Variants in SPIN1 observed in about 807,000 individuals in gnomAD.
The protein encoded by SPIN1 is spindlin 1.
Under a neutral mutation model 26.0 loss-of-function variants are expected in SPIN1, and 3 were observed. The ratio of observed to expected loss-of-function variants is 0.12; its 90% CI spans 0.05 to 0.30. SPIN1 has a LOEUF of 0.30. Among genes scored for constraint, SPIN1 ranks in the 10% least tolerant of loss-of-function variants. The pLI is 1.00. For synonymous variants in SPIN1, 101 were observed against 116.5 expected, an observed-to-expected ratio of 0.87 and a Z score of 0.86; for missense variants, 126 against 333.4, an observed-to-expected ratio of 0.38 and a Z score of 4.84.
Position 88,420,472 on chromosome 9 carries a change from G to T in SPIN1, c.-158-5910G>T, listed in dbSNP as rs535762869. The stretch of plus-strand genomic sequence containing the variant: ...CACAGAATCCAGAGGAATGGAGCCA[G>T]CCAGTCCTCTGAAGCTGAAAAGTTT... On this transcript the variant is annotated intron_variant, in intron 1 of 5. Coordinates refer to ENST00000375859, the MANE Select transcript of SPIN1 (RefSeq NM_006717.3). Among the ~76,000 whole-genome samples, 5 of 152,366 alleles carry T rather than the reference G, an allele frequency of 3.3e-5. No homozygotes were observed. The South Asian group carries it at 1.0e-3, about 32-fold the overall frequency.
chr9:88,441,398 C>CGCGCGTGTGTGTGTGTGTGTGTGTGT (rs757363030), intron 2 of SPIN1, among the ~76,000 whole-genome samples: 7 of 137,730 alleles, frequency 5.1e-5, no homozygotes, highest in African/African-American at 2.3e-4. Context: ...TGCTGCCATT[C>CGCGCGTGTGTGTGTGTGTGTGTGTGT]GTGTGTGTGT....
intron 2 of SPIN1, among the ~76,000 whole-genome samples, chr9:88,437,735 A>T (rs78930173): frequency 0.021 from 3,164 of 152,152 alleles, 113 homozygotes; most frequent in African/African-American, 0.072. Flanking sequence ...ATTTTTCTCT[A>T]TTGATTTTGA....
chr9:88,394,437 A>G (rs1459540682), intron 1 of SPIN1, among the ~76,000 whole-genome samples: 1 of 152,222 alleles, frequency 6.6e-6, no homozygotes, highest in Non-Finnish European at 1.5e-5. Flanking sequence ...TTGGACAGCC[A>G]TGGGAAGCAT....
chr9:88,407,040 C>T (rs1021196969), intron 1 of SPIN1, among the ~76,000 whole-genome samples: 2 of 151,668 alleles, frequency 1.3e-5, no homozygotes, highest in Non-Finnish European at 2.9e-5. Flanking sequence ...TTTTCTTCTG[C>T]CCGAAGAACA....
intron 5 of SPIN1, 137 bp downstream of exon 5, chr9:88,468,742 C>T: frequency 2.0e-6 from 1 of 495,210 alleles, no homozygotes; most frequent in Non-Finnish European, 3.3e-6. Context: ...ACAAACACAG[C>T]CTTTGAAATT....
At chr9:88,456,998 A>G (rs565351761) in intron 3 of SPIN1, among the ~76,000 whole-genome samples, 102 of 152,212 alleles carry the variant, frequency 6.7e-4, no homozygotes, top group Non-Finnish European at 1.2e-3. Flanking sequence ...GAGTTTACTT[A>G]ATTCACTAAC....
At chr9:88,400,793 C>G (rs1383488763) in intron 1 of SPIN1, among the ~76,000 whole-genome samples, 4 of 149,914 alleles carry the variant, frequency 2.7e-5, no homozygotes, top group African/African-American at 9.9e-5. Context: ...TGCAGTGAGC[C>G]AAGATCATGC....
At chr9:88,435,356 A>G (rs1827980030) in intron 2 of SPIN1, among the ~76,000 whole-genome samples, 1 of 151,952 alleles carries the variant, frequency 6.6e-6, no homozygotes, top group Non-Finnish European at 1.5e-5. Flanking sequence ...CTGGGACTAC[A>G]GGCATGCACC....
At chr9:88,400,354 A>C (rs1300968427) in intron 1 of SPIN1, among the ~76,000 whole-genome samples, 2 of 152,202 alleles carry the variant, frequency 1.3e-5, no homozygotes, top group Non-Finnish European at 2.9e-5. Flanking sequence ...AAGGAACATA[A>C]AGTTGAATCA....
chr9:88,411,419 T>G lies in SPIN1; in HGVS notation c.-158-14963T>G. 1.9e-6 allele frequency: 3 copies of G among 1,586,964 alleles called. No homozygotes were observed. The South Asian group carries it at 3.3e-5, about 18-fold the overall frequency. ...AAAGCTCAACCCTCCAATGAAGAGC[T>G]TCCTCAGCTGTTCGGGCTCTTTAGG... On this transcript the variant is annotated intron_variant, in intron 1 of 5. Transcript: ENST00000375859.
chr9:88,457,755 G>A, intron 3 of SPIN1: 1 of 855,478 alleles, frequency 1.2e-6, no homozygotes. Context: ...TCTAGCGTTT[G>A]TATTCCTGAA....
chr9:88,466,081 T>G (rs1234082832), intron 4 of SPIN1, among the ~76,000 whole-genome samples: 1 of 152,250 alleles, frequency 6.6e-6, no homozygotes, highest in Admixed American at 6.5e-5. Flanking sequence ...TGTTTTTCAT[T>G]TTCTGAAGTA....
At chr9:88,438,205 A>G (rs1564032818) in intron 2 of SPIN1, among the ~76,000 whole-genome samples, 1 of 152,088 alleles carries the variant, frequency 6.6e-6, no homozygotes, top group Non-Finnish European at 1.5e-5. Flanking sequence ...ATTGCTGTAA[A>G]TTTCTCTGTA....
At chr9:88,404,702 G>GGT (rs1359267578) in intron 1 of SPIN1, among the ~76,000 whole-genome samples, 1 of 152,002 alleles carries the variant, frequency 6.6e-6, no homozygotes, top group Admixed American at 6.6e-5. Context: ...GATCACCTGA[G>GGT]GTCAGGAGTT....
intron 4 of SPIN1, among the ~76,000 whole-genome samples, 173 bp from the exon 5 acceptor site, chr9:88,468,199 C>G (rs1828709532): frequency 6.6e-6 from 1 of 152,058 alleles, no homozygotes; most frequent in Non-Finnish European, 1.5e-5. Context: ...AGCTGGGGCC[C>G]AGTAGTTTGT....
chr9:88,418,283 A>G (rs190863450), intron 1 of SPIN1, among the ~76,000 whole-genome samples: 67 of 152,344 alleles, frequency 4.4e-4, no homozygotes, highest in Middle Eastern at 3.4e-3. Flanking sequence ...TCATTAGCAT[A>G]AAAAAGACAC....
chr9:88,471,746 A>G (rs1229934637), intron 5 of SPIN1, among the ~76,000 whole-genome samples: 1 of 145,036 alleles, frequency 6.9e-6, no homozygotes, highest in Non-Finnish European at 1.5e-5. Context: ...ATTAGTTTGT[A>G]TGTCTGTTGC....
At chr9:88,410,559 G>A (rs1219886487) in intron 1 of SPIN1, 15 of 821,956 alleles carry the variant, frequency 1.8e-5, no homozygotes, top group Non-Finnish European at 3.0e-5. Context: ...CATAGCTACT[G>A]CTGCTACTGG....
intron 1 of SPIN1, among the ~76,000 whole-genome samples, chr9:88,390,822 C>T (rs1321364885): frequency 6.6e-6 from 1 of 152,172 alleles, no homozygotes; most frequent in Non-Finnish European, 1.5e-5. Flanking sequence ...AGCCACATAA[C>T]TGATTCATCA....
Sources: gnomAD v4.1 joint callset for allele counts (sites outside exome capture counted in the v4.1 genomes callset) on GRCh38, gnomAD v4.1.1 for gene constraint, MANE v1.5 for transcripts, NCBI Gene and HGNC (gene_info 2026-07-23, HGNC 2026-07-21) for gene names.